CCSER2: variants seen among roughly 807,000 people sequenced by gnomAD.
The protein encoded by CCSER2 is coiled-coil serine rich protein 2.
A neutral mutation model predicts 92.3 loss-of-function variants in CCSER2; 46 were observed. The observed-to-expected ratio is 0.50, with a 90% CI of 0.39 to 0.64. The LOEUF (loss-of-function observed/expected upper bound fraction) is 0.64. CCSER2 is among the 30% of genes least tolerant of loss of function. The probability of loss-of-function intolerance (pLI) is 0.00; values close to 1 mark genes in which losing one functional copy is unlikely to be tolerated. For synonymous variants in CCSER2, 433 were observed against 431.4 expected (o/e 1.00, Z -0.04); for missense variants, 1,244 against 1,238.9 (o/e 1.00, Z -0.06).
chr10:84,378,312 A>C (rs1846449203), intron 3 of CCSER2, among the ~76,000 whole-genome samples: 2 of 152,086 alleles, frequency 1.3e-5, no homozygotes, highest in Non-Finnish European at 2.9e-5. Flanking sequence ...TGATTTTCAA[A>C]TAGTAAACTA....
chr10:84,448,921 T>G (rs34341728), intron 6 of CCSER2, among the ~76,000 whole-genome samples: 8,998 of 152,300 alleles, frequency 0.059, 372 homozygotes, highest in Admixed American at 0.1. Flanking sequence ...TCATTTCTTT[T>G]TATTGCTGAG....
Position 84,456,167 on chromosome 10 carries a change from G to A in CCSER2, c.2065-7766G>A, listed in dbSNP as rs192117986. The A allele has an allele frequency of 2.1e-4, 57 of 274,082 alleles. No individual in the cohort carries two copies. In the East Asian group the frequency reaches 5.5e-3, roughly 27 times the overall value. 17.0% of individuals were successfully genotyped at this position (274,082 alleles called of 1,614,324 possible). A position where few individuals can be genotyped will look rare whatever the true frequency, so the allele number is the denominator to read the frequency against. On this transcript the variant is annotated intron_variant, in intron 6 of 9. Transcript: ENST00000372088. ...ACAGACCCCCACCTGCATGAATTCA[G>A]TGTACAGTTTTATGAGCTTTAATTG...
At chr10:84,442,575 G>C (rs1844640410) in intron 6 of CCSER2, among the ~76,000 whole-genome samples, 1 of 152,192 alleles carries the variant, frequency 6.6e-6, no homozygotes, top group Middle Eastern at 3.4e-3. Flanking sequence ...TTTCTTTTTT[G>C]TGTGTTTTTT....
chr10:84,329,376 T>A (rs1843436279), intron 1 of CCSER2, among the ~76,000 whole-genome samples: 1 of 152,186 alleles, frequency 6.6e-6, no homozygotes, highest in African/African-American at 2.4e-5. Context: ...GACTCCTTTG[T>A]GGTGGTCCTT....
rs1025654966 is a variant in CCSER2 at position 84,438,753 on chromosome 10, A to G, written c.2064+46A>G. On this transcript the variant is annotated intron_variant, in intron 6 of 9. Coordinates refer to ENST00000372088, the MANE Select transcript of CCSER2 (RefSeq NM_001284240.2). Reference sequence around the variant, plus strand: ...TCCAGCTCTGATATTTTGAATTGCAAAATGGATTGACTTTAGTTTTTTTTA... The same window carrying G: ...TCCAGCTCTGATATTTTGAATTGCAGAATGGATTGACTTTAGTTTTTTTTA... 8 of 1,213,698 alleles carry G rather than the reference A, an allele frequency of 6.6e-6. No individual in the cohort carries two copies. In the African/African-American group the frequency reaches 9.2e-5, roughly 14 times the overall value. The allele number at this position is 1,213,698 out of a possible 1,614,324, so 75.2% of individuals were successfully genotyped here. A position where few individuals can be genotyped will look rare whatever the true frequency, so the allele number is the denominator to read the frequency against.
chr10:84,329,383 C>A (rs1019420253), intron 1 of CCSER2, among the ~76,000 whole-genome samples: 4 of 152,116 alleles, frequency 2.6e-5, no homozygotes, highest in African/African-American at 4.8e-5. Context: ...TTGTGGTGGT[C>A]CTTGGTGGCG....
rs1164172495 is a variant in CCSER2 at position 84,516,898 on chromosome 10, CAT to C, written c.*2633_*2634del. 13 of 152,174 alleles carry C rather than the reference CAT, an allele frequency of 8.5e-5. No homozygotes were observed. The highest frequency in any genetic ancestry group is 3.9e-4 in the Admixed American group (6 of 15,288). The allele number at this position is 152,174 out of a possible 1,614,324, so 9.4% of individuals were successfully genotyped here. ...AAACAAATCTAGGATGCTTGCATGACATAAAGTATTTGCCTGCAGTTTTCATT... is the reference window on the plus strand; with the variant it reads ...AAACAAATCTAGGATGCTTGCATGACAAAGTATTTGCCTGCAGTTTTCATT... On this transcript the variant is annotated 3_prime_UTR_variant, in exon 10 of 10. Transcript: ENST00000372088.
intron 3 of CCSER2, among the ~76,000 whole-genome samples, chr10:84,397,367 T>C (rs2133294612): frequency 6.6e-6 from 1 of 152,308 alleles, no homozygotes; most frequent in East Asian, 1.9e-4. Context: ...TCATTTGATG[T>C]AATATACAAA....
chr10:84,488,833 G>T (rs2131788655), intron 9 of CCSER2, among the ~76,000 whole-genome samples: 1 of 152,032 alleles, frequency 6.6e-6, no homozygotes, highest in East Asian at 1.9e-4. Flanking sequence ...GCGATGTTAG[G>T]GTGTCAATTT....
intron 3 of CCSER2, among the ~76,000 whole-genome samples, chr10:84,413,965 C>T (rs1474170305): frequency 1.3e-5 from 2 of 152,116 alleles, no homozygotes; most frequent in Non-Finnish European, 2.9e-5. Context: ...ACCAGGATTG[C>T]AACCTCTGCT....
rs1844793011 is a variant in CCSER2 at position 84,350,350 on chromosome 10, T to G, written c.-39-20664T>G. Among the ~76,000 whole-genome samples, 5 of 152,032 alleles carry G rather than the reference T, an allele frequency of 3.3e-5. No homozygotes were observed. In the South Asian group the frequency reaches 1.0e-3, roughly 32 times the overall value. ...TCCTAAAGCATTTCGTTTTCCTTTA[T>G]AGCACTTATGATTTGTAATTATTTA... On this transcript the variant is annotated intron_variant, in intron 1 of 9. Coordinates refer to ENST00000372088, the MANE Select transcript of CCSER2 (RefSeq NM_001284240.2).
At chr10:84,494,698 A>C (rs980453613) in intron 9 of CCSER2, among the ~76,000 whole-genome samples, 2 of 152,200 alleles carry the variant, frequency 1.3e-5, no homozygotes, top group Admixed American at 1.3e-4. Context: ...TCTTGTATTC[A>C]AGGTAGAGTG....
intron 3 of CCSER2, chr10:84,394,081 A>C (rs192689128): frequency 5.5e-4 from 84 of 152,332 alleles, no homozygotes; most frequent in African/African-American, 2.0e-3. Context: ...GTGTGAAGAA[A>C]AGTTTAAATG....
At chr10:84,446,114 GTCA>G (rs1305025276) in intron 6 of CCSER2, among the ~76,000 whole-genome samples, 1 of 151,986 alleles carries the variant, frequency 6.6e-6, no homozygotes, top group African/African-American at 2.4e-5. Flanking sequence ...TCATATCACA[GTCA>G]TCATCTGTTT....
chr10:84,425,098 G>A, intron 4 of CCSER2: 1 of 973,730 alleles, frequency 1.0e-6, no homozygotes, highest in Non-Finnish European at 1.2e-6. Context: ...TCGTGTTTTT[G>A]TGGTATTTGG....
Position 84,484,490 on chromosome 10 carries a change from C to CGTGTGTGTGT in CCSER2, c.2325+6843_2325+6852dup, listed in dbSNP as rs143391336. 5.4e-3 allele frequency among the ~76,000 whole-genome samples: 803 copies of CGTGTGTGTGT among 147,396 alleles called. 3 individuals are homozygous for CGTGTGTGTGT. The highest frequency in any genetic ancestry group is 7.8e-3 in the Admixed American group (115 of 14,672). On this transcript the variant is annotated intron_variant, in intron 9 of 9. Coordinates refer to ENST00000372088, the MANE Select transcript of CCSER2 (RefSeq NM_001284240.2). ...GACGTTGCATGCATGTGTGCATGCA[C>CGTGTGTGTGT]GTGTGTGTGTGTGTGTGTGTGTGTG... is the stretch of plus-strand genomic sequence containing the variant.
intron 3 of CCSER2, among the ~76,000 whole-genome samples, chr10:84,410,011 C>T (rs1458245100): frequency 2.6e-5 from 4 of 152,026 alleles, no homozygotes; most frequent in African/African-American, 4.8e-5. Context: ...TGAGAACGTG[C>T]GGTCTTTGGT....
At chr10:84,481,139 G>T (rs1401728792) in intron 9 of CCSER2, among the ~76,000 whole-genome samples, 1 of 152,042 alleles carries the variant, frequency 6.6e-6, no homozygotes, top group Non-Finnish European at 1.5e-5. Flanking sequence ...AAAAGCCCCT[G>T]ATATTTCCCT....
intron 7 of CCSER2, among the ~76,000 whole-genome samples, chr10:84,465,239 TTGTGTGTGTGTGTGTG>T (rs59254139): frequency 0.054 from 5,779 of 106,802 alleles, 417 homozygotes; most frequent in Admixed American, 0.16. Context: ...TTTCCTGAAT[TTGTGTGTGTGTGTGTG>T]TGTGTGTGTG....
Sources: gnomAD v4.1 joint callset for allele counts (sites outside exome capture counted in the v4.1 genomes callset) on GRCh38, gnomAD v4.1.1 for gene constraint, MANE v1.5 for transcripts, NCBI Gene and HGNC (gene_info 2026-07-23, HGNC 2026-07-21) for gene names.